Variants in CNTNAP2 observed in about 807,000 individuals in gnomAD.
CNTNAP2 encodes the protein contactin-associated protein-like 2.
Under a neutral mutation model 155.2 loss-of-function variants are expected in CNTNAP2, and 98 were observed. That is an observed-to-expected ratio of 0.63 (90% CI 0.54 to 0.75). The LOEUF (loss-of-function observed/expected upper bound fraction) is 0.75, where lower values mean the gene tolerates loss of function less well. Among genes scored for constraint, CNTNAP2 ranks in the 30% least tolerant of loss-of-function variants. The pLI is 0.00. For synonymous variants in CNTNAP2, 651 were observed against 631.2 expected, an observed-to-expected ratio of 1.03 and a Z score of -0.47; for missense variants, 1,727 against 1,688.1, an observed-to-expected ratio of 1.02 and a Z score of -0.40.
chr7:146,897,915 A>G (rs1795910209), intron 3 of CNTNAP2, among the ~76,000 whole-genome samples: 1 of 152,028 alleles, frequency 6.6e-6, no homozygotes, highest in African/African-American at 2.4e-5. Context: ...TCCCCCTAGA[A>G]TTTTAATTAA....
intron 1 of CNTNAP2, among the ~76,000 whole-genome samples, chr7:146,705,901 CATTCTT>C (rs1183930665): frequency 6.6e-6 from 1 of 152,104 alleles, no homozygotes; most frequent in Non-Finnish European, 1.5e-5. Flanking sequence ...GTATCCAACT[CATTCTT>C]AGGATTAGGA....
chr7:148,408,746 T>C (rs1213522954), intron 22 of CNTNAP2, among the ~76,000 whole-genome samples: 1 of 152,230 alleles, frequency 6.6e-6, no homozygotes, highest in African/African-American at 2.4e-5. Flanking sequence ...TCGGGATCTA[T>C]TTGCCTTTAC....
chr7:146,258,757 C>T (rs1046156831), intron 1 of CNTNAP2, among the ~76,000 whole-genome samples: 3 of 152,160 alleles, frequency 2.0e-5, no homozygotes, highest in Non-Finnish European at 2.9e-5. Flanking sequence ...CCATTCTTTT[C>T]GTCACTGCTA....
chr7:146,349,307 T>C (rs1241799859), intron 1 of CNTNAP2, among the ~76,000 whole-genome samples: 1 of 152,236 alleles, frequency 6.6e-6, no homozygotes, highest in Non-Finnish European at 1.5e-5. Flanking sequence ...GATGCCATCA[T>C]AGAATTCTCA....
At chr7:147,264,043 T>C (rs1423737615) in intron 8 of CNTNAP2, among the ~76,000 whole-genome samples, 1 of 152,204 alleles carries the variant, frequency 6.6e-6, no homozygotes, top group African/African-American at 2.4e-5. Context: ...GCTCTATAGA[T>C]GTAAGCAATG....
chr7:146,431,006 A>G (rs1224492753), intron 1 of CNTNAP2, among the ~76,000 whole-genome samples: 1 of 152,014 alleles, frequency 6.6e-6, no homozygotes, highest in Non-Finnish European at 1.5e-5. Flanking sequence ...CTGTTTTTCT[A>G]GACTACATAT....
At chr7:147,580,351 T>A (rs897676527) in intron 12 of CNTNAP2, among the ~76,000 whole-genome samples, 5 of 152,206 alleles carry the variant, frequency 3.3e-5, no homozygotes, top group African/African-American at 1.2e-4. Context: ...TAGTCCTAAG[T>A]TTCAGGTAAT....
At chr7:147,405,469 G>A (rs919162989) in intron 10 of CNTNAP2, among the ~76,000 whole-genome samples, 12 of 152,056 alleles carry the variant, frequency 7.9e-5, no homozygotes, top group Non-Finnish European at 1.6e-4. Flanking sequence ...AAAATATTGG[G>A]ACTGATACAA....
At chr7:147,600,676 T>G (rs1800925981) in intron 12 of CNTNAP2, among the ~76,000 whole-genome samples, 1 of 152,162 alleles carries the variant, frequency 6.6e-6, no homozygotes, top group Admixed American at 6.6e-5. Flanking sequence ...CTCCACCTTT[T>G]CTGGCATAGA....
At chr7:146,913,267 G>C (rs1165133341) in intron 3 of CNTNAP2, among the ~76,000 whole-genome samples, 1 of 152,130 alleles carries the variant, frequency 6.6e-6, no homozygotes, top group African/African-American at 2.4e-5. Context: ...AGAGAGCTGC[G>C]AATATGGAAA....
intron 13 of CNTNAP2, among the ~76,000 whole-genome samples, chr7:147,842,121 A>G (rs916560399): frequency 2.0e-5 from 3 of 152,208 alleles, no homozygotes; most frequent in Admixed American, 6.5e-5. Context: ...TGCATAATTC[A>G]TTTGCTCTTC....
At chr7:148,054,207 C>T (rs1242027187) in intron 15 of CNTNAP2, among the ~76,000 whole-genome samples, 1 of 152,056 alleles carries the variant, frequency 6.6e-6, no homozygotes, top group African/African-American at 2.4e-5. Context: ...CTCCTGACCT[C>T]GTGATCCACC....
chr7:146,927,353 A>C (rs1263902236), intron 3 of CNTNAP2, among the ~76,000 whole-genome samples: 3 of 152,152 alleles, frequency 2.0e-5, no homozygotes, highest in African/African-American at 7.2e-5. Flanking sequence ...GTGGCAATTT[A>C]TCATTGACCA....
At chr7:146,781,579 T>G (rs1016028307) in intron 2 of CNTNAP2, among the ~76,000 whole-genome samples, 3 of 152,092 alleles carry the variant, frequency 2.0e-5, no homozygotes, top group Non-Finnish European at 2.9e-5. Context: ...TACATACACA[T>G]GTCCCCCTCC....
At chr7:146,913,870 C>T (rs1796339952) in intron 3 of CNTNAP2, among the ~76,000 whole-genome samples, 1 of 151,862 alleles carries the variant, frequency 6.6e-6, no homozygotes, top group Admixed American at 6.6e-5. Flanking sequence ...CAGTGTACAC[C>T]GTACCCAATG....
At chr7:146,774,873 G>A (rs1034798961) in intron 2 of CNTNAP2, among the ~76,000 whole-genome samples, 109 of 152,068 alleles carry the variant, frequency 7.2e-4, no homozygotes, top group Non-Finnish European at 1.3e-4. Context: ...GTAAAAAATC[G>A]TTAGATGTGT....
chr7:146,246,447 G>GT lies in CNTNAP2; in HGVS notation c.97+129477dup, dbSNP rs1028372810. Among the ~76,000 whole-genome samples the GT allele has an allele frequency of 6.8e-4, 102 of 149,824 alleles. 9 individuals are homozygous for GT. Among genetic ancestry groups the GT allele is most frequent in the African/African-American group, 2.5e-3 (99 of 39,356 alleles). ...GGCATGAGAGTGGGGGTTTTAAGAGGTTTAGAAGCCTGGCCGTCAATACCC... is the reference window on the plus strand; with the variant it reads ...GGCATGAGAGTGGGGGTTTTAAGAGGTTTTAGAAGCCTGGCCGTCAATACCC... On this transcript the variant is annotated intron_variant, in intron 1 of 23. Transcript: ENST00000361727.
At chr7:147,445,764 C>CCTTCTTTCTCTCTTTTT (rs1797724400) in intron 10 of CNTNAP2, among the ~76,000 whole-genome samples, 2 of 152,000 alleles carry the variant, frequency 1.3e-5, no homozygotes, top group Non-Finnish European at 2.9e-5. Flanking sequence ...ATGTTTCTTT[C>CCTTCTTTCTCTCTTTTT]CTTCTTTCTC....
At chr7:148,123,632 G>C (rs1190634352) in intron 16 of CNTNAP2, among the ~76,000 whole-genome samples, 1 of 92,340 alleles carries the variant, frequency 1.1e-5, no homozygotes, top group Non-Finnish European at 2.1e-5. Context: ...GGAAGGGAGA[G>C]CAGGAAGGAA....
Sources: gnomAD v4.1 joint callset for allele counts (sites outside exome capture counted in the v4.1 genomes callset) on GRCh38, gnomAD v4.1.1 for gene constraint, MANE v1.5 for transcripts, NCBI Gene and HGNC (gene_info 2026-07-23, HGNC 2026-07-21) for gene names.